PPP1R12A: variants seen among roughly 807,000 people sequenced by gnomAD.
The protein encoded by PPP1R12A is protein phosphatase 1 regulatory subunit 12A.
In PPP1R12A, 19 loss-of-function variants were observed where a neutral mutation model predicts 139.6. The observed-to-expected ratio is 0.14, with a 90% CI of 0.09 to 0.20. The LOEUF is 0.20. Ranked by LOEUF, PPP1R12A falls within the 10% of genes least tolerant of loss-of-function variation. The pLI, the probability that PPP1R12A is intolerant of heterozygous loss-of-function variation, is 1.00. For synonymous variants in PPP1R12A, 427 were observed against 420.6 expected, an observed-to-expected ratio of 1.02 and a Z score of -0.19; for missense variants, 925 against 1,211.5, an observed-to-expected ratio of 0.76 and a Z score of 3.51.
intron 1 of PPP1R12A, among the ~76,000 whole-genome samples, chr12:79,893,620 A>T (rs1270919985): frequency 6.6e-6 from 1 of 152,192 alleles, no homozygotes; most frequent in Non-Finnish European, 1.5e-5. Flanking sequence ...AATCACTGTG[A>T]TCAGAGAAAT....
intron 1 of PPP1R12A, among the ~76,000 whole-genome samples, chr12:79,916,755 A>G (rs1302894174): frequency 6.6e-6 from 1 of 152,226 alleles, no homozygotes; most frequent in African/African-American, 2.4e-5. Flanking sequence ...TAATACAGAA[A>G]TAAATACTGA....
intron 3 of PPP1R12A, among the ~76,000 whole-genome samples, chr12:79,841,131 G>A (rs939413350): frequency 5.3e-5 from 8 of 150,948 alleles, no homozygotes; most frequent in African/African-American, 1.7e-4. Flanking sequence ...TGATACAATC[G>A]TAGCTTACAG....
intron 8 of PPP1R12A, among the ~76,000 whole-genome samples, chr12:79,818,039 T>C (rs1393747416): frequency 6.6e-6 from 1 of 152,158 alleles, no homozygotes; most frequent in Non-Finnish European, 1.5e-5. Context: ...AAGTCTAAAG[T>C]TAAATGGGCA....
chr12:79,870,992 AT>A (rs892107432), intron 2 of PPP1R12A, among the ~76,000 whole-genome samples: 46 of 149,662 alleles, frequency 3.1e-4, no homozygotes, highest in African/African-American at 6.6e-4. Context: ...CTTGCAATCC[AT>A]TTTTTTTTTA....
rs115885850 is a variant in PPP1R12A, at chr12:79,873,461, A to T, written c.238-523T>A. On this transcript the variant is annotated intron_variant, in intron 1 of 24. Transcript: ENST00000450142. ...GGCCAAAAAAACCCCACCTCTATTAACAGTCACTGTTTCAACCACTTTGTA... is the reference window on the plus strand; with the variant it reads ...GGCCAAAAAAACCCCACCTCTATTATCAGTCACTGTTTCAACCACTTTGTA... 5.1e-3 allele frequency among the ~76,000 whole-genome samples: 777 copies of T among 151,268 alleles called. 7 individuals carry two copies. Among genetic ancestry groups the T allele is most frequent in the African/African-American group, 0.017 (695 of 41,194 alleles).
intron 20 of PPP1R12A, 51 bp from the exon 21 acceptor site, chr12:79,788,834 A>T (rs751867603): frequency 1.8e-5 from 27 of 1,469,124 alleles, no homozygotes; most frequent in Non-Finnish European, 2.3e-5. Context: ...TTTTACAATT[A>T]TAACAACATA....
intron 9 of PPP1R12A, among the ~76,000 whole-genome samples, chr12:79,814,582 G>A (rs1592656872): frequency 2.0e-5 from 3 of 148,582 alleles, no homozygotes; most frequent in South Asian, 2.1e-4. Flanking sequence ...TTGCAAGGCC[G>A]AGACGGGTGG....
At position 79,832,496 on chromosome 12, in the gene PPP1R12A, T is replaced by C; in HGVS notation, c.488-5A>G. The C allele has an allele frequency of 6.3e-7, 1 of 1,581,992 alleles. No homozygotes were observed. The highest frequency in any genetic ancestry group is 8.6e-7 in the Non-Finnish European group (1 of 1,166,962). On this transcript the variant is annotated splice_polypyrimidine_tract_variant and splice_region_variant and intron_variant, in intron 3 of 24. Coordinates refer to ENST00000450142, the MANE Select transcript of PPP1R12A (RefSeq NM_002480.3). ...GAGCTGCTTCTATATCAACCCCTGA[T>C]AAAATAAAAATAGTTCTTTTTATTT... is the stretch of plus-strand genomic sequence containing the variant.
At chr12:79,823,329 A>G (rs1333552251) in intron 5 of PPP1R12A, among the ~76,000 whole-genome samples, 1 of 152,226 alleles carries the variant, frequency 6.6e-6, no homozygotes, top group African/African-American at 2.4e-5. Flanking sequence ...TTCTGAAAGA[A>G]AGTTAAAATT....
chr12:79,861,916 T>A (rs980940285), intron 2 of PPP1R12A, among the ~76,000 whole-genome samples: 1 of 152,166 alleles, frequency 6.6e-6, no homozygotes, highest in East Asian at 1.9e-4. Flanking sequence ...AGACAGCTTC[T>A]CCAGACTTAA....
At chr12:79,856,337 A>T (rs1244726084) in intron 2 of PPP1R12A, among the ~76,000 whole-genome samples, 2 of 152,236 alleles carry the variant, frequency 1.3e-5, no homozygotes, top group Non-Finnish European at 2.9e-5. Flanking sequence ...TGTTTAATGC[A>T]ATCAGAACCA....
chr12:79,785,767 G>A (rs553490439), intron 22 of PPP1R12A, among the ~76,000 whole-genome samples: 1 of 151,944 alleles, frequency 6.6e-6, no homozygotes, highest in Non-Finnish European at 1.5e-5. Context: ...TTGAAAGGAG[G>A]GAAATGAGGA....
chr12:79,888,163 C>A (rs1884273642), intron 1 of PPP1R12A, among the ~76,000 whole-genome samples: 1 of 152,074 alleles, frequency 6.6e-6, no homozygotes, highest in African/African-American at 2.4e-5. Flanking sequence ...TGAATTCACA[C>A]AGCTTAGAGT....
intron 2 of PPP1R12A, among the ~76,000 whole-genome samples, chr12:79,846,614 T>G (rs1453962913): frequency 6.7e-6 from 1 of 150,268 alleles, no homozygotes; most frequent in Non-Finnish European, 1.5e-5. Flanking sequence ...TTTTTTTTTT[T>G]GTATTCTTAG....
At chr12:79,859,005 C>G (rs530025809) in intron 2 of PPP1R12A, among the ~76,000 whole-genome samples, 1 of 151,990 alleles carries the variant, frequency 6.6e-6, no homozygotes, top group Non-Finnish European at 1.5e-5. Flanking sequence ...ACGATCACTG[C>G]GGCTACTGTG....
chr12:79,781,954 A>G lies in PPP1R12A; in HGVS notation c.2908-92T>C, dbSNP rs1485177129. 20 of 629,668 alleles carry G rather than the reference A, an allele frequency of 3.2e-5. 1 individual carries two copies. The highest frequency in any genetic ancestry group is 2.5e-4 in the Admixed American group (8 of 31,564). The allele number at this position is 629,668 out of a possible 1,614,324, so 39.0% of individuals were successfully genotyped here. On this transcript the variant is annotated intron_variant, in intron 22 of 24. Transcript: ENST00000450142. ...CTCTTTTAATAGGTATTAAATCACA[A>G]TATTCAAGTGGAGTAAAACACAGGT...
At chr12:79,831,910 G>C (rs2596791) in intron 4 of PPP1R12A, among the ~76,000 whole-genome samples, 29,156 of 151,996 alleles carry the variant, frequency 0.19, 4,822 homozygotes, top group African/African-American at 0.44. Flanking sequence ...AAAGAAAACT[G>C]TATTTAAGAT....
chr12:79,914,857 AT>A (rs201379485), intron 1 of PPP1R12A, among the ~76,000 whole-genome samples: 71 of 149,560 alleles, frequency 4.7e-4, no homozygotes, highest in African/African-American at 6.1e-4. Context: ...CTGGTTTTCT[AT>A]TAAAAAAAAA....
intron 1 of PPP1R12A, among the ~76,000 whole-genome samples, chr12:79,893,599 T>C (rs1884859336): frequency 6.6e-6 from 1 of 152,216 alleles, no homozygotes. Flanking sequence ...GCCAATACTT[T>C]GTCACCTGTA....
Sources: allele counts gnomAD v4.1 joint callset (sites outside exome capture counted in the v4.1 genomes callset), GRCh38; gene constraint gnomAD v4.1.1; transcripts MANE v1.5; gene names NCBI Gene and HGNC (gene_info 2026-07-23, HGNC 2026-07-21).